FNDC3B: variants seen among roughly 807,000 people sequenced by gnomAD.
The protein encoded by FNDC3B is fibronectin type III domain containing 3B.
A neutral mutation model predicts 151.5 loss-of-function variants in FNDC3B; 12 were observed. The ratio of observed to expected loss-of-function variants is 0.08; its 90% CI spans 0.05 to 0.13. The LOEUF is 0.13. Ranked by LOEUF, FNDC3B falls within the 10% of genes least tolerant of loss-of-function variation. The probability of loss-of-function intolerance (pLI) is 1.00; values close to 1 mark genes in which losing one functional copy is unlikely to be tolerated. For missense variants in FNDC3B, 1,214 were observed against 1,505.3 expected (o/e 0.81, Z 3.20); for synonymous variants, 528 against 549.0 (o/e 0.96, Z 0.54).
At chr3:172,146,475 G>T (rs1411876717) in intron 3 of FNDC3B, among the ~76,000 whole-genome samples, 1 of 152,160 alleles carries the variant, frequency 6.6e-6, no homozygotes, top group Non-Finnish European at 1.5e-5. Flanking sequence ...TTGTCAGATT[G>T]TAGGGGAATT....
At chr3:172,200,428 T>A (rs1725086637) in intron 3 of FNDC3B, among the ~76,000 whole-genome samples, 1 of 152,256 alleles carries the variant, frequency 6.6e-6, no homozygotes, top group Admixed American at 6.5e-5. Context: ...TTTGGCTTTA[T>A]AATGGTGCAA....
chr3:172,059,078 T>G (rs765762632), intron 1 of FNDC3B, among the ~76,000 whole-genome samples: 2 of 152,220 alleles, frequency 1.3e-5, no homozygotes, highest in Non-Finnish European at 2.9e-5. Context: ...TTTATTTTCC[T>G]TATTTATTTG....
At chr3:172,239,741 C>T (rs1727373221) in intron 4 of FNDC3B, among the ~76,000 whole-genome samples, 1 of 125,632 alleles carries the variant, frequency 8.0e-6, no homozygotes, top group Admixed American at 8.9e-5. Context: ...CATTTCAATT[C>T]AGTAAGAGGA....
chr3:172,199,289 C>T lies in FNDC3B; in HGVS notation c.188-27582C>T, dbSNP rs185213415. 7.4e-3 allele frequency among the ~76,000 whole-genome samples: 1,118 copies of T among 151,842 alleles called. 17 individuals carry two copies. Among genetic ancestry groups the T allele is most frequent in the African/African-American group, 0.024 (1,003 of 41,400 alleles). On this transcript the variant is annotated intron_variant, in intron 3 of 25. Coordinates refer to ENST00000415807, the MANE Select transcript of FNDC3B (RefSeq NM_022763.4). ...CCGCCTCCCGGGTTCACGCCATTCT[C>T]CTGCCTCAGCCTCCCGAGTAGCTGG... is the stretch of plus-strand genomic sequence containing the variant.
chr3:172,287,678 T>G (rs1730098935), intron 7 of FNDC3B, among the ~76,000 whole-genome samples: 1 of 152,184 alleles, frequency 6.6e-6, no homozygotes, highest in South Asian at 2.1e-4. Context: ...ATGCACACAG[T>G]GCTGTTCCTC....
At chr3:172,090,789 C>G (rs1718785045) in intron 1 of FNDC3B, among the ~76,000 whole-genome samples, 1 of 152,014 alleles carries the variant, frequency 6.6e-6, no homozygotes, top group Non-Finnish European at 1.5e-5. Context: ...AATTCCACAC[C>G]CAACCTTGTG....
chr3:172,086,972 A>G (rs951540123), intron 1 of FNDC3B, among the ~76,000 whole-genome samples: 1 of 152,226 alleles, frequency 6.6e-6, no homozygotes, highest in African/African-American at 2.4e-5. Flanking sequence ...CAGACACCAC[A>G]GGTGGTGAGT....
intron 11 of FNDC3B, among the ~76,000 whole-genome samples, chr3:172,322,968 G>A (rs549690766): frequency 2.7e-4 from 41 of 152,294 alleles, no homozygotes; most frequent in African/African-American, 9.4e-4. Flanking sequence ...TACTTGAAAA[G>A]CAGGATCGTG....
intron 3 of FNDC3B, among the ~76,000 whole-genome samples, chr3:172,191,952 A>G (rs1724531349): frequency 6.6e-6 from 1 of 152,158 alleles, no homozygotes. Context: ...GGTGTATGCC[A>G]TGGCCCTGAA....
intron 3 of FNDC3B, among the ~76,000 whole-genome samples, chr3:172,221,992 G>A (rs1432709061): frequency 1.3e-5 from 2 of 152,180 alleles, no homozygotes; most frequent in Non-Finnish European, 2.9e-5. Flanking sequence ...AAAGACTGAA[G>A]GGTCACTTTT....
chr3:172,239,049 A>G (rs543016282), intron 4 of FNDC3B, among the ~76,000 whole-genome samples: 20 of 84,846 alleles, frequency 2.4e-4, no homozygotes, highest in Non-Finnish European at 3.7e-4. Context: ...GATATAATTA[A>G]TTTATTTTTT....
chr3:172,123,418 A>G (rs1016481476), intron 2 of FNDC3B, among the ~76,000 whole-genome samples: 4 of 151,148 alleles, frequency 2.6e-5, no homozygotes, highest in Non-Finnish European at 5.9e-5. Flanking sequence ...TTGGGGTCTC[A>G]TCTTGTCACC....
intron 7 of FNDC3B, among the ~76,000 whole-genome samples, chr3:172,287,352 G>A (rs765246784): frequency 2.6e-5 from 4 of 152,154 alleles, no homozygotes; most frequent in Non-Finnish European, 5.9e-5. Context: ...TACAGCGGGC[G>A]GTCGCAAATG....
At chr3:172,368,306 G>A (rs1250519693) in intron 23 of FNDC3B, among the ~76,000 whole-genome samples, 1 of 151,342 alleles carries the variant, frequency 6.6e-6, no homozygotes, top group Non-Finnish European at 1.5e-5. Context: ...GGAATATATG[G>A]GCACTGAGGA....
At chr3:172,342,128 C>A (rs569040039) in intron 17 of FNDC3B, among the ~76,000 whole-genome samples, 1 of 152,290 alleles carries the variant, frequency 6.6e-6, no homozygotes, top group East Asian at 1.9e-4. Flanking sequence ...TCTAGTCAAC[C>A]CACTTGCAAC....
chr3:172,167,361 G>A (rs4894818), intron 3 of FNDC3B, among the ~76,000 whole-genome samples: 123,597 of 152,164 alleles, frequency 0.81, 50,774 homozygotes, highest in African/African-American at 0.93. Flanking sequence ...GCACCACTGC[G>A]CTCCAGCCTG....
chr3:172,251,562 C>A (rs1234023266), intron 6 of FNDC3B, 21 bp downstream of exon 6: 3 of 1,582,602 alleles, frequency 1.9e-6, no homozygotes, highest in Non-Finnish European at 2.6e-6. Flanking sequence ...AGATGTTTGC[C>A]ATAGAGTGAA....
intron 7 of FNDC3B, 128 bp downstream of exon 7, chr3:172,286,112 A>G: frequency 3.0e-6 from 2 of 669,590 alleles, no homozygotes; most frequent in Admixed American, 2.8e-5. Context: ...CTCATCAACT[A>G]TGAAATAGTG....
At chr3:172,316,753 A>G (rs960695064) in intron 11 of FNDC3B, among the ~76,000 whole-genome samples, 1 of 152,258 alleles carries the variant, frequency 6.6e-6, no homozygotes, top group Non-Finnish European at 1.5e-5. Flanking sequence ...TATTGATGAT[A>G]TATATCAATG....
Sources: allele counts gnomAD v4.1 joint callset (sites outside exome capture counted in the v4.1 genomes callset), GRCh38; gene constraint gnomAD v4.1.1; transcripts MANE v1.5; gene names NCBI Gene and HGNC (gene_info 2026-07-23, HGNC 2026-07-21).